Variants in ZNF385D observed in about 807,000 individuals in gnomAD.
ZNF385D encodes zinc finger protein 659.
ZNF385D carries 15 observed loss-of-function variants against 35.8 expected under a neutral mutation model. The observed-to-expected ratio is 0.42, with a 90% CI of 0.28 to 0.64. The LOEUF is 0.64. ZNF385D is among the 30% of genes least tolerant of loss of function. The probability of loss-of-function intolerance (pLI) is 0.23; values close to 1 mark genes in which losing one functional copy is unlikely to be tolerated. For missense variants in ZNF385D, 474 were observed against 494.6 expected, an observed-to-expected ratio of 0.96 and a Z score of 0.39; for synonymous variants, 212 against 186.8, an observed-to-expected ratio of 1.13 and a Z score of -1.10.
intron 3 of ZNF385D, among the ~76,000 whole-genome samples, chr3:22,087,134 ATG>A (rs1480438736): frequency 1.3e-5 from 2 of 152,186 alleles, no homozygotes; most frequent in African/African-American, 2.4e-5. Flanking sequence ...GTGTGTAATT[ATG>A]AGATCTTTTT....
intron 3 of ZNF385D, among the ~76,000 whole-genome samples, chr3:21,543,624 A>G (rs1350692949): frequency 1.3e-5 from 2 of 152,192 alleles, no homozygotes; most frequent in Non-Finnish European, 2.9e-5. Flanking sequence ...TTCTTATGCA[A>G]CTGGTGGAGG....
chr3:22,292,043 CCTT>C (rs370809988), intron 2 of ZNF385D, among the ~76,000 whole-genome samples: 142 of 151,924 alleles, frequency 9.3e-4, no homozygotes, highest in Non-Finnish European at 1.4e-3. Flanking sequence ...ATATTGGAGC[CCTT>C]CTTCTTTGAC....
chr3:21,541,192 G>A lies in ZNF385D; in HGVS notation c.276+23382C>T, dbSNP rs539289350. Reference sequence around the variant, plus strand: ...GCAGTGTGTAATTTATGCATGCCTGGTACAATTTCATTCCCCTTAATTAGA... The same window carrying A: ...GCAGTGTGTAATTTATGCATGCCTGATACAATTTCATTCCCCTTAATTAGA... On this transcript the variant is annotated intron_variant, in intron 3 of 7. Coordinates refer to ENST00000281523, the MANE Select transcript of ZNF385D (RefSeq NM_024697.3). Among the ~76,000 whole-genome samples the A allele has an allele frequency of 9.2e-5, 14 of 152,236 alleles. No homozygotes were observed. The South Asian group carries it at 2.9e-3, about 32-fold the overall frequency.
Position 22,182,833 on chromosome 3 carries a change from T to C in ZNF385D, c.107-13798A>G, listed in dbSNP as rs199698503. On this transcript the variant is annotated intron_variant, in intron 2 of 5. Transcript: ENST00000494108. Reference sequence around the variant, plus strand: ...GTAAATTTAAGATAAAAAATAATTATACATATACAATAGAGATTTTTTTCA... The same window carrying C: ...GTAAATTTAAGATAAAAAATAATTACACATATACAATAGAGATTTTTTTCA... Among the ~76,000 whole-genome samples the C allele has an allele frequency of 1.4e-4, 22 of 152,228 alleles. No homozygotes were observed. The East Asian group carries it at 3.3e-3, about 23-fold the overall frequency.
intron 3 of ZNF385D, among the ~76,000 whole-genome samples, chr3:21,791,735 G>GT (rs931483534): frequency 1.5e-4 from 23 of 151,720 alleles, no homozygotes; most frequent in Non-Finnish European, 2.9e-4. Context: ...GGATCTAATC[G>GT]TTTTTTTTGG....
chr3:21,495,728 A>T (rs1036852578), intron 4 of ZNF385D, among the ~76,000 whole-genome samples: 1 of 152,118 alleles, frequency 6.6e-6, no homozygotes, highest in Non-Finnish European at 1.5e-5. Context: ...AGTGAGATGT[A>T]AAAAAACATA....
intron 3 of ZNF385D, among the ~76,000 whole-genome samples, chr3:21,903,321 G>A (rs1395146593): frequency 1.3e-5 from 2 of 152,114 alleles, no homozygotes; most frequent in Non-Finnish European, 2.9e-5. Flanking sequence ...ACTTACTTCA[G>A]GGATCACAGC....
chr3:22,188,395 CTGTG>C (rs2125219466), intron 2 of ZNF385D, among the ~76,000 whole-genome samples: 1 of 152,202 alleles, frequency 6.6e-6, no homozygotes, highest in South Asian at 2.1e-4. Flanking sequence ...ACTGATTCTG[CTGTG>C]TGTTTTAGCA....
intron 3 of ZNF385D, among the ~76,000 whole-genome samples, chr3:21,906,632 C>T (rs372780401): frequency 6.6e-6 from 1 of 152,202 alleles, no homozygotes; most frequent in South Asian, 2.1e-4. Context: ...TGGGTCAGTG[C>T]CACTCTCTTT....
At chr3:21,863,230 C>A (rs1679229) in intron 3 of ZNF385D, among the ~76,000 whole-genome samples, 63,194 of 151,960 alleles carry the variant, frequency 0.42, 13,362 homozygotes, top group Non-Finnish European at 0.43. Flanking sequence ...CTGATAGCTT[C>A]ATTTCTTTTA....
At chr3:21,843,928 T>C (rs1016229308) in intron 3 of ZNF385D, among the ~76,000 whole-genome samples, 5 of 151,916 alleles carry the variant, frequency 3.3e-5, no homozygotes, top group Admixed American at 6.6e-5. Flanking sequence ...GAAACAGACA[T>C]AGAATGTGCA....
intron 3 of ZNF385D, among the ~76,000 whole-genome samples, chr3:21,844,072 G>T (rs1233170982): frequency 6.6e-6 from 1 of 151,930 alleles, no homozygotes; most frequent in African/African-American, 2.4e-5. Context: ...ATGATATCTG[G>T]CAGAGATGGG....
intron 3 of ZNF385D, among the ~76,000 whole-genome samples, chr3:21,867,101 C>T (rs1697406528): frequency 1.3e-5 from 2 of 152,132 alleles, no homozygotes; most frequent in Admixed American, 1.3e-4. Flanking sequence ...GAGGGCCTTG[C>T]TGCATCATTA....
chr3:21,975,740 T>C (rs1415286591), intron 3 of ZNF385D, among the ~76,000 whole-genome samples: 1 of 47,788 alleles, frequency 2.1e-5, no homozygotes, highest in Admixed American at 1.8e-4. Context: ...TATATATATA[T>C]ATATATATAT....
At chr3:21,532,075 AAG>A (rs71266440) in intron 3 of ZNF385D, among the ~76,000 whole-genome samples, 7 of 150,782 alleles carry the variant, frequency 4.6e-5, no homozygotes, top group East Asian at 2.0e-4. Flanking sequence ...GGGAGAGAGA[AAG>A]AGAGAGAGAG....
chr3:21,521,365 A>C (rs1707890836), intron 3 of ZNF385D, among the ~76,000 whole-genome samples: 1 of 152,240 alleles, frequency 6.6e-6, no homozygotes, highest in African/African-American at 2.4e-5. Flanking sequence ...CAAAGAACTT[A>C]TTGAACAGTT....
chr3:22,078,200 A>T (rs962308896), intron 3 of ZNF385D, among the ~76,000 whole-genome samples: 2 of 151,446 alleles, frequency 1.3e-5, no homozygotes, highest in Non-Finnish European at 3.0e-5. Context: ...ACACCTTTTT[A>T]AAAAATAATC....
intron 3 of ZNF385D, among the ~76,000 whole-genome samples, chr3:21,847,421 A>G (rs1696082014): frequency 6.6e-6 from 1 of 152,086 alleles, no homozygotes; most frequent in African/African-American, 2.4e-5. Context: ...CTGCACCAAT[A>G]ACTGAACAAT....
chr3:21,797,846 G>A (rs375616180), intron 3 of ZNF385D, among the ~76,000 whole-genome samples: 40 of 152,272 alleles, frequency 2.6e-4, no homozygotes, highest in African/African-American at 9.6e-4. Flanking sequence ...GAATTTGGGG[G>A]TAGGAGTGGG....
Sources: allele counts gnomAD v4.1 joint callset (sites outside exome capture counted in the v4.1 genomes callset), GRCh38; gene constraint gnomAD v4.1.1; transcripts MANE v1.5; gene names NCBI Gene and HGNC (gene_info 2026-07-23, HGNC 2026-07-21).